The following HPSE2 variants were observed in gnomAD, a reference collection of about 807,000 sequenced individuals.
HPSE2 encodes the protein inactive heparanase-2.
HPSE2 carries 38 observed loss-of-function variants against 60.5 expected under a neutral mutation model. The observed-to-expected ratio is 0.63, with a 90% confidence interval of 0.48 to 0.82. The LOEUF (loss-of-function observed/expected upper bound fraction) is 0.82. Among genes scored for constraint, HPSE2 ranks in the 40% least tolerant of loss-of-function variants. HPSE2 has a pLI of 0.00. For missense variants in HPSE2, 713 were observed against 740.4 expected (o/e 0.96, Z 0.43); for synonymous variants, 295 against 293.2 (o/e 1.01, Z -0.06).
At chr10:98,968,930 A>T (rs1955881393) in intron 3 of HPSE2, among the ~76,000 whole-genome samples, 1 of 152,064 alleles carries the variant, frequency 6.6e-6, no homozygotes, top group Non-Finnish European at 1.5e-5. Context: ...AAATCTCAGA[A>T]ATCACCACTA....
chr10:99,160,393 G>C (rs1846779651), intron 2 of HPSE2, among the ~76,000 whole-genome samples: 1 of 152,036 alleles, frequency 6.6e-6, no homozygotes, highest in Non-Finnish European at 1.5e-5. Context: ...ACACCCACTA[G>C]AATAGTTATA....
chr10:98,942,201 A>C (rs900062147), intron 3 of HPSE2, among the ~76,000 whole-genome samples: 1 of 140,320 alleles, frequency 7.1e-6, no homozygotes, highest in Non-Finnish European at 1.5e-5. Context: ...CACCAAAAGC[A>C]ATGGCAACAA....
At chr10:99,221,832 AC>A (rs1849323582) in intron 2 of HPSE2, among the ~76,000 whole-genome samples, 1 of 152,124 alleles carries the variant, frequency 6.6e-6, no homozygotes, top group Non-Finnish European at 1.5e-5. Context: ...GTGCAGACTG[AC>A]CTTAGGGAGC....
At chr10:98,936,588 T>A (rs1954797911) in intron 3 of HPSE2, among the ~76,000 whole-genome samples, 1 of 143,528 alleles carries the variant, frequency 7.0e-6, no homozygotes, top group East Asian at 2.0e-4. Flanking sequence ...CCCACCCTGT[T>A]TCTGCTCTTC....
intron 9 of HPSE2, among the ~76,000 whole-genome samples, chr10:98,605,564 A>C (rs1216635098): frequency 6.6e-6 from 1 of 151,978 alleles, no homozygotes; most frequent in East Asian, 1.9e-4. Flanking sequence ...GAGAGTGTAA[A>C]TGGGGATGGT....
At chr10:98,772,556 T>C (rs946818194) in intron 3 of HPSE2, among the ~76,000 whole-genome samples, 2 of 152,140 alleles carry the variant, frequency 1.3e-5, no homozygotes, top group Non-Finnish European at 2.9e-5. Context: ...AAATACATTT[T>C]GAGGAATATT....
intron 6 of HPSE2, among the ~76,000 whole-genome samples, chr10:98,662,247 C>A (rs1947244724): frequency 6.6e-6 from 1 of 152,142 alleles, no homozygotes; most frequent in Admixed American, 6.5e-5. Context: ...AAAGTATGTT[C>A]ATGGAACACT....
intron 1 of HPSE2, 95 bp from the exon 2 acceptor site, chr10:99,232,600 G>C: frequency 7.3e-7 from 1 of 1,366,044 alleles, no homozygotes; most frequent in Non-Finnish European, 1.0e-6. Flanking sequence ...CCCTGAGGGC[G>C]ACCTGGCCGG....
At chr10:98,671,718 AT>A (rs1184190519) in intron 6 of HPSE2, among the ~76,000 whole-genome samples, 1 of 152,202 alleles carries the variant, frequency 6.6e-6, no homozygotes, top group Non-Finnish European at 1.5e-5. Flanking sequence ...GATAGTTCCT[AT>A]GTTGAGATGT....
intron 2 of HPSE2, among the ~76,000 whole-genome samples, chr10:99,197,777 T>C (rs183036467): frequency 6.6e-6 from 1 of 152,126 alleles, no homozygotes; most frequent in Non-Finnish European, 1.5e-5. Flanking sequence ...ATGGTTACAA[T>C]GGGCCAGGCG....
At chr10:99,045,369 A>G (rs1042503657) in intron 3 of HPSE2, among the ~76,000 whole-genome samples, 2 of 152,108 alleles carry the variant, frequency 1.3e-5, no homozygotes, top group African/African-American at 4.8e-5. Context: ...TATAAGAGGA[A>G]ATGCCTTTGA....
chr10:98,981,106 C>A (rs1463396092), intron 3 of HPSE2, among the ~76,000 whole-genome samples: 1 of 152,080 alleles, frequency 6.6e-6, no homozygotes, highest in Non-Finnish European at 1.5e-5. Context: ...TTCGAGCATA[C>A]CAGCTACCAG....
intron 3 of HPSE2, among the ~76,000 whole-genome samples, chr10:99,142,360 A>T (rs1238885405): frequency 6.6e-6 from 1 of 152,246 alleles, no homozygotes; most frequent in East Asian, 1.9e-4. Flanking sequence ...CACTGTGTAA[A>T]ATCAAAGACT....
chr10:98,806,593 A>T (rs1951046551), intron 3 of HPSE2, among the ~76,000 whole-genome samples: 3 of 152,206 alleles, frequency 2.0e-5, no homozygotes, highest in Admixed American at 1.3e-4. Context: ...TCAATGTGAA[A>T]GTGCTTTGTG....
At chr10:99,097,595 T>C (rs1379973231) in intron 3 of HPSE2, among the ~76,000 whole-genome samples, 1 of 152,198 alleles carries the variant, frequency 6.6e-6, no homozygotes, top group Non-Finnish European at 1.5e-5. Flanking sequence ...ATTTTAATAG[T>C]GATAACTTCA....
At chr10:98,992,306 C>A (rs1589479969) in intron 3 of HPSE2, among the ~76,000 whole-genome samples, 1 of 151,872 alleles carries the variant, frequency 6.6e-6, no homozygotes, top group East Asian at 1.9e-4. Context: ...TGTTTTTTTT[C>A]ATAGTAACTG....
chr10:99,201,513 T>G (rs2133885629), intron 2 of HPSE2, among the ~76,000 whole-genome samples: 1 of 152,316 alleles, frequency 6.6e-6, no homozygotes, highest in African/African-American at 2.4e-5. Flanking sequence ...ATCTTAATTC[T>G]AAAGCTGTCT....
chr10:99,090,747 C>T (rs1304731900), intron 3 of HPSE2, among the ~76,000 whole-genome samples: 2 of 151,962 alleles, frequency 1.3e-5, no homozygotes, highest in Non-Finnish European at 2.9e-5. Context: ...GGTTGTACCT[C>T]AATTTTTTCA....
At chr10:99,122,385 G>GA (rs1216346239) in intron 3 of HPSE2, among the ~76,000 whole-genome samples, 30 of 151,690 alleles carry the variant, frequency 2.0e-4, no homozygotes, top group Non-Finnish European at 7.4e-5. Context: ...TAAAAATTTA[G>GA]AAAAAAGACA....
Sources: allele counts gnomAD v4.1 joint callset (sites outside exome capture counted in the v4.1 genomes callset), GRCh38; gene constraint gnomAD v4.1.1; transcripts MANE v1.5; gene names NCBI Gene and HGNC (gene_info 2026-07-23, HGNC 2026-07-21).